DYM: variants seen among roughly 807,000 people sequenced by gnomAD.
DYM encodes the protein dymeclin.
In DYM, 78 loss-of-function variants were observed where a neutral mutation model predicts 93.1. That is an observed-to-expected ratio of 0.84 (90% CI 0.70 to 1.01). The LOEUF is 1.01. DYM is among the 50% of genes least tolerant of loss of function. DYM has a pLI of 0.00. For synonymous variants in DYM, 321 were observed against 319.7 expected (o/e 1.00, Z -0.04); for missense variants, 789 against 845.0 (o/e 0.93, Z 0.82).
chr18:49,088,330 T>G (rs2078740865), intron 17 of DYM, among the ~76,000 whole-genome samples: 1 of 152,118 alleles, frequency 6.6e-6, no homozygotes. Flanking sequence ...GTTTTCTACA[T>G]AAGGCTAGCC....
At chr18:49,220,232 C>G (rs1380997467) in intron 13 of DYM, among the ~76,000 whole-genome samples, 1 of 151,482 alleles carries the variant, frequency 6.6e-6, no homozygotes, top group Non-Finnish European at 1.5e-5. Flanking sequence ...GAACTACAAA[C>G]CACTGCTCAA....
In DYM at chr18:49,349,377, C is replaced by G. The variant is rs183640522; in HGVS notation, c.494+13784G>C. ...CACAAAAAAAGTTATTAAAAATATT[C>G]TTAAAAACAAAAATTAAGATAGACT... On this transcript the variant is annotated intron_variant, in intron 6 of 17. Transcript: ENST00000675505. Among the ~76,000 whole-genome samples, 32 of 152,038 alleles carry G rather than the reference C, an allele frequency of 2.1e-4. No individual in the cohort carries two copies. In the East Asian group the frequency reaches 5.2e-3, roughly 25 times the overall value.
chr18:49,356,924 AATAATT>A (rs2065619526), intron 6 of DYM, among the ~76,000 whole-genome samples: 1 of 152,202 alleles, frequency 6.6e-6, no homozygotes. Flanking sequence ...AAATATTTCT[AATAATT>A]ATATTCTTTT....
intron 15 of DYM, among the ~76,000 whole-genome samples, chr18:49,143,459 T>C (rs939042822): frequency 2.0e-5 from 3 of 152,202 alleles, no homozygotes; most frequent in Admixed American, 6.5e-5. Flanking sequence ...ACTTGTTATA[T>C]GCCAAATATT....
chr18:49,292,070 T>C (rs372679205), intron 8 of DYM, among the ~76,000 whole-genome samples: 12 of 152,216 alleles, frequency 7.9e-5, no homozygotes, highest in East Asian at 7.7e-4. Context: ...CAAGGTCAAA[T>C]AGAAGTGTTT....
At chr18:49,086,881 G>T (rs570497682) in intron 17 of DYM, among the ~76,000 whole-genome samples, 1 of 152,132 alleles carries the variant, frequency 6.6e-6, no homozygotes, top group Admixed American at 6.5e-5. Context: ...CCAGCGACTC[G>T]GGAGACTGAG....
chr18:49,321,207 G>C (rs1295916091), intron 8 of DYM: 4 of 393,304 alleles, frequency 1.0e-5, no homozygotes, highest in African/African-American at 6.2e-5. Context: ...CTCAAAAATA[G>C]ATTAAATCAT....
chr18:49,422,612 A>C (rs1376433298), intron 2 of DYM, among the ~76,000 whole-genome samples: 2 of 152,198 alleles, frequency 1.3e-5, no homozygotes, highest in Non-Finnish European at 2.9e-5. Context: ...AAATTGGATA[A>C]ACAGTCAAGA....
At chr18:49,325,971 T>C (rs2062847428) in intron 8 of DYM, among the ~76,000 whole-genome samples, 1 of 152,136 alleles carries the variant, frequency 6.6e-6, no homozygotes, top group Non-Finnish European at 1.5e-5. Context: ...CCACATGCCA[T>C]GAAAGGCCCA....
rs370633457 is a variant in DYM at position 49,374,601 on chromosome 18, G to A, written c.421+3966C>T. On this transcript the variant is annotated intron_variant, in intron 5 of 17. Transcript: ENST00000675505. ...TCTCTAAAAATATTAGGATGGTTCAGTTTGCTTCCTGTGCCTCAGCTCCCT... is the reference window on the plus strand; with the variant it reads ...TCTCTAAAAATATTAGGATGGTTCAATTTGCTTCCTGTGCCTCAGCTCCCT... Among the ~76,000 whole-genome samples, 5 of 152,332 alleles carry A rather than the reference G, an allele frequency of 3.3e-5. No individual in the cohort carries two copies. In the East Asian group the frequency reaches 7.7e-4, roughly 24 times the overall value.
chr18:49,206,081 C>G (rs982511439), intron 14 of DYM: 1 of 219,652 alleles, frequency 4.6e-6, no homozygotes, highest in African/African-American at 2.4e-5. Context: ...TCACTGCAAC[C>G]TCCGTCTCCC....
intron 15 of DYM, among the ~76,000 whole-genome samples, chr18:49,163,139 T>C (rs918691073): frequency 6.6e-6 from 1 of 152,142 alleles, no homozygotes; most frequent in African/African-American, 2.4e-5. Context: ...GATATAAAGA[T>C]TCTTAATTAT....
At position 49,103,897 on chromosome 18, in the gene DYM, T is replaced by G. The variant is rs968794998; in HGVS notation, c.1912-6382A>C. ...TTAGGATTGACTTGGCGATGCGGGC[T>G]CTTTTTTGGTTCCATATGAACTTCA... is the stretch of plus-strand genomic sequence containing the variant. On this transcript the variant is annotated intron_variant, in intron 16 of 17. Transcript: ENST00000675505. 4.3e-3 allele frequency among the ~76,000 whole-genome samples: 650 copies of G among 150,938 alleles called. 1 individual carries two copies. Among genetic ancestry groups the G allele is most frequent in the Non-Finnish European group, 7.2e-3 (485 of 67,274 alleles).
chr18:49,217,470 A>C (rs1298764337), intron 13 of DYM, among the ~76,000 whole-genome samples: 2 of 152,270 alleles, frequency 1.3e-5, no homozygotes, highest in East Asian at 1.9e-4. Flanking sequence ...ACCAAAGTTG[A>C]AATGAAGGAA....
At chr18:49,085,293 T>C (rs1209624351) in intron 17 of DYM, among the ~76,000 whole-genome samples, 2 of 152,208 alleles carry the variant, frequency 1.3e-5, no homozygotes, top group Non-Finnish European at 2.9e-5. Flanking sequence ...AAAGAAAAGG[T>C]GACTTTAAGT....
At chr18:49,067,753 T>C (rs2076586356) in intron 17 of DYM, among the ~76,000 whole-genome samples, 1 of 152,132 alleles carries the variant, frequency 6.6e-6, no homozygotes, top group Non-Finnish European at 1.5e-5. Context: ...CAAAATAAAG[T>C]ATGCCAGTTA....
chr18:49,387,907 G>C (rs1343663735), intron 3 of DYM, among the ~76,000 whole-genome samples: 1 of 151,780 alleles, frequency 6.6e-6, no homozygotes, highest in East Asian at 1.9e-4. Flanking sequence ...AATAAAATAG[G>C]GGAAATAGCT....
intron 17 of DYM, among the ~76,000 whole-genome samples, chr18:49,056,835 C>T (rs1042264510): frequency 2.6e-5 from 4 of 152,306 alleles, no homozygotes; most frequent in African/African-American, 9.6e-5. Flanking sequence ...GCGTGAGCCA[C>T]CGCGCCCGGC....
intron 8 of DYM, among the ~76,000 whole-genome samples, chr18:49,311,895 A>G (rs1270474536): frequency 1.3e-5 from 2 of 152,086 alleles, no homozygotes; most frequent in East Asian, 3.8e-4. Flanking sequence ...AAAAAAAAGA[A>G]TTCACATGAG....
Sources: gnomAD v4.1 joint callset for allele counts (sites outside exome capture counted in the v4.1 genomes callset) on GRCh38, gnomAD v4.1.1 for gene constraint, MANE v1.5 for transcripts, NCBI Gene and HGNC (gene_info 2026-07-23, HGNC 2026-07-21) for gene names.